STAT3: variants seen among roughly 807,000 people sequenced by gnomAD.
STAT3 encodes DNA-binding protein APRF.
In STAT3, 7 loss-of-function variants were observed where a neutral mutation model predicts 114.3. The ratio of observed to expected loss-of-function variants is 0.06; its 90% CI spans 0.03 to 0.11. The LOEUF (loss-of-function observed/expected upper bound fraction) is 0.11, where lower values mean the gene tolerates loss of function less well. Ranked by LOEUF, STAT3 falls within the 10% of genes least tolerant of loss-of-function variation. The pLI is 1.00. For synonymous variants in STAT3, 331 were observed against 354.5 expected (o/e 0.93, Z 0.74); for missense variants, 364 against 960.9 (o/e 0.38, Z 8.21).
chr17:42,349,753 G>GT (rs2082854696), intron 1 of STAT3, among the ~76,000 whole-genome samples: 1 of 152,164 alleles, frequency 6.6e-6, no homozygotes, highest in South Asian at 2.1e-4. Flanking sequence ...AGGCCAAGTT[G>GT]TTTTAACAAG....
At chr17:42,335,384 A>G (rs1417825307) in intron 8 of STAT3, among the ~76,000 whole-genome samples, 1 of 151,970 alleles carries the variant, frequency 6.6e-6, no homozygotes, top group Non-Finnish European at 1.5e-5. Context: ...TAGGGATGGG[A>G]TCTCACTTTG....
intron 1 of STAT3, among the ~76,000 whole-genome samples, chr17:42,374,780 T>C (rs898081318): frequency 6.6e-6 from 1 of 152,202 alleles, no homozygotes; most frequent in African/African-American, 2.4e-5. Context: ...TGACTACACA[T>C]GGATGCAAAC....
chr17:42,385,596 G>A (rs1197218739), intron 1 of STAT3, among the ~76,000 whole-genome samples: 2 of 151,926 alleles, frequency 1.3e-5, no homozygotes, highest in African/African-American at 4.8e-5. Flanking sequence ...TCAGGCGTCT[G>A]GAAAGTTGGT....
At position 42,333,664 on chromosome 17, in the gene STAT3, A is replaced by G. The variant is rs374408588; in HGVS notation, c.1049+9T>C. 1 of 1,613,980 alleles carries G rather than the reference A, an allele frequency of 6.2e-7. No individual in the cohort carries two copies. The highest frequency in any genetic ancestry group is 2.2e-5 in the East Asian group (1 of 44,884). ...AATCTCTACTGGAAATGGAAGTGGCATGGCCTACCTGACTTTAGTAGTGAA... is the reference window on the plus strand; with the variant it reads ...AATCTCTACTGGAAATGGAAGTGGCGTGGCCTACCTGACTTTAGTAGTGAA... On this transcript the variant is annotated intron_variant, in intron 10 of 23. Coordinates refer to ENST00000264657, the MANE Select transcript of STAT3 (RefSeq NM_139276.3). The surrounding 1 kb of genome is among the most constrained non-coding windows in gnomAD (Gnocchi z 5.2).
At position 42,322,627 on chromosome 17, in the gene STAT3, T is replaced by C. The variant is rs1598392350; in HGVS notation, c.1889-133A>G. On this transcript the variant is annotated intron_variant, in intron 20 of 23. Transcript: ENST00000264657. The stretch of plus-strand genomic sequence containing the variant: ...TAGTGTTGAGACCCTGAACACCCTG[T>C]TCAGTGGCCTGGCACTGTGGAAATA... The C allele has an allele frequency of 2.1e-5, 20 of 965,458 alleles. No individual in the cohort carries two copies. In the East Asian group the frequency reaches 4.8e-4, roughly 23 times the overall value. 59.8% of individuals were successfully genotyped at this position (965,458 alleles called of 1,614,324 possible).
intron 21 of STAT3, among the ~76,000 whole-genome samples, chr17:42,320,727 T>TTAA (rs1555563267): frequency 8.3e-5 from 5 of 60,100 alleles, no homozygotes; most frequent in South Asian, 1.2e-3. Flanking sequence ...AGACTTAGTC[T>TTAA]AAAAAAAAAA....
intron 1 of STAT3, among the ~76,000 whole-genome samples, chr17:42,361,577 G>T (rs368720533): frequency 1.2e-4 from 18 of 151,792 alleles, no homozygotes; most frequent in African/African-American, 4.4e-4. Flanking sequence ...CGAGAACCTC[G>T]AAATCAGAGC....
Position 42,329,465 on chromosome 17 carries a change from A to G in STAT3, c.1234-8T>C. 3.7e-6 allele frequency: 6 copies of G among 1,614,178 alleles called. No homozygotes were observed. Among genetic ancestry groups the G allele is most frequent in the Non-Finnish European group, 5.1e-6 (6 of 1,180,024 alleles). On this transcript the variant is annotated splice_polypyrimidine_tract_variant and splice_region_variant and intron_variant, in intron 13 of 23. Transcript: ENST00000264657. ...TCTCTGCTCCCTCAGGGTCTGTAAGAAAAGAAAAAGGCAGGTGTCCTGTGA... is the reference window on the plus strand; with the variant it reads ...TCTCTGCTCCCTCAGGGTCTGTAAGGAAAGAAAAAGGCAGGTGTCCTGTGA...
Position 42,333,016 on chromosome 17 carries a change from G to A in STAT3, c.1049+657C>T, listed in dbSNP as rs74620782. 1.3e-5 allele frequency among the ~76,000 whole-genome samples: 2 copies of A among 152,170 alleles called. No individual in the cohort carries two copies. The highest frequency in any genetic ancestry group is 2.4e-5 in the African/African-American group (1 of 41,524). On this transcript the variant is annotated intron_variant, in intron 10 of 23. Coordinates refer to ENST00000264657, the MANE Select transcript of STAT3 (RefSeq NM_139276.3). This position sits in a 1 kb window ranked among gnomAD's most constrained non-coding sequence, Gnocchi z 5.2. ...CCTGTCTCAAACAAAAACAAAAGAT[G>A]AGTATCACTCCTTCAAGCCAAAGGT...
chr17:42,377,157 C>T (rs549850728), intron 1 of STAT3, among the ~76,000 whole-genome samples: 48 of 152,306 alleles, frequency 3.2e-4, no homozygotes, highest in African/African-American at 9.6e-4. Context: ...GCTAATTTGC[C>T]GCCCAGGCAA....
intron 1 of STAT3, chr17:42,386,931 GT>G (rs2085136599): frequency 6.6e-6 from 1 of 152,128 alleles, no homozygotes; most frequent in African/African-American, 2.4e-5. Context: ...GGAAATAAAT[GT>G]GCTGACTCAG....
At chr17:42,317,271 C>A (rs1443253719) in intron 21 of STAT3, 47 bp from the exon 22 acceptor site, 3 of 1,605,276 alleles carry the variant, frequency 1.9e-6, no homozygotes, top group Non-Finnish European at 2.6e-6. Flanking sequence ...ACTTCGCATT[C>A]AGTAAGCAGA....
rs148077388 is a variant in STAT3, at chr17:42,326,361, A to T, written c.1282-162T>A. 0.017 allele frequency among the ~76,000 whole-genome samples: 2,614 copies of T among 152,194 alleles called. 82 individuals are homozygous for T. The highest frequency in any genetic ancestry group is 0.059 in the African/African-American group (2,462 of 41,504). On this transcript the variant is annotated intron_variant, in intron 14 of 23. Transcript: ENST00000264657. ...CATCTCTGCAAAAAATACAAAAATTAGCTGGGTGTGGTGGTGCACACCTAT... is the reference window on the plus strand; with the variant it reads ...CATCTCTGCAAAAAATACAAAAATTTGCTGGGTGTGGTGGTGCACACCTAT...
intron 1 of STAT3, among the ~76,000 whole-genome samples, chr17:42,376,018 G>A (rs1488653728): frequency 6.6e-6 from 1 of 151,834 alleles, no homozygotes; most frequent in Non-Finnish European, 1.5e-5. Flanking sequence ...AGGTGTGGCT[G>A]CTAGCCCCTG....
At chr17:42,363,329 A>G (rs1222588248) in intron 1 of STAT3, among the ~76,000 whole-genome samples, 1 of 152,142 alleles carries the variant, frequency 6.6e-6, no homozygotes, top group African/African-American at 2.4e-5. Flanking sequence ...AGCACTCCCC[A>G]GCTCAAAAAC....
chr17:42,321,602 A>G (rs2081488728), intron 21 of STAT3, among the ~76,000 whole-genome samples: 1 of 152,086 alleles, frequency 6.6e-6, no homozygotes, highest in South Asian at 2.1e-4. Flanking sequence ...ACTCCCATGC[A>G]GCTAATAATA....
At chr17:42,323,991 A>C (rs1598395457) in intron 17 of STAT3, among the ~76,000 whole-genome samples, 1 of 152,262 alleles carries the variant, frequency 6.6e-6, no homozygotes, top group East Asian at 1.9e-4. Flanking sequence ...CTTCTAGCCC[A>C]GGTGGCACAT....
intron 1 of STAT3, chr17:42,387,629 T>TG (rs1199441714): frequency 1.3e-5 from 2 of 152,078 alleles, no homozygotes; most frequent in South Asian, 4.1e-4. Context: ...GGCGGGGACG[T>TG]GGGGGGAGCA....
At chr17:42,326,079 G>A (rs764531099) in intron 15 of STAT3, 37 bp downstream of exon 15, 5 of 1,586,222 alleles carry the variant, frequency 3.2e-6, no homozygotes, top group East Asian at 2.2e-5. Flanking sequence ...AGTCACCCCT[G>A]TACGTAGCCT....
Sources: allele counts gnomAD v4.1 joint callset (sites outside exome capture counted in the v4.1 genomes callset), GRCh38; gene constraint gnomAD v4.1.1; non-coding constraint Gnocchi (gnomAD v3.1); transcripts MANE v1.5; gene names NCBI Gene and HGNC (gene_info 2026-07-23, HGNC 2026-07-21).